C1GALT1C1L: variants seen among roughly 807,000 people sequenced by gnomAD.
C1GALT1C1L encodes the protein C1GALT1-specific chaperone 1-like protein.
A neutral mutation model predicts 0.5 loss-of-function variants in C1GALT1C1L; 1 was observed. The ratio of observed to expected loss-of-function variants is 2.11; its 90% confidence interval spans 0.75 to 10.02. The LOEUF (loss-of-function observed/expected upper bound fraction) is 10.02, where lower values mean the gene tolerates loss of function less well. Ranked by LOEUF, C1GALT1C1L falls within the 30% of genes most tolerant of loss-of-function variation. The probability of loss-of-function intolerance (pLI) is 0.13; values close to 1 mark genes in which losing one functional copy is unlikely to be tolerated. For synonymous variants in C1GALT1C1L, 148 were observed against 132.6 expected, an observed-to-expected ratio of 1.12 and a Z score of -0.80; for missense variants, 444 against 375.5, an observed-to-expected ratio of 1.18 and a Z score of -1.51.
chr2:43,675,501 A>G lies in C1GALT1C1L; in HGVS notation c.822T>C (p.Thr274=). 1 of 1,614,040 alleles carries G rather than the reference A, an allele frequency of 6.2e-7. No individual in the cohort carries two copies. Among genetic ancestry groups the G allele is most frequent in the Non-Finnish European group, 8.5e-7 (1 of 1,179,904 alleles). The change falls in exon 1 of 1, where the codon ACT becomes ACC. Residue 274 remains threonine, a synonymous_variant. Coordinates refer to ENST00000475092, the MANE Select transcript of C1GALT1C1L (RefSeq NM_001101330.3). ...VEGCCSDMAI[T]FNGLTPQKME... ...TCTTTTGGGGGGTCAGTCCATTGAA[A>G]GTAATAGCCATATCTGAACAGCAGC...
chr2:43,676,232 T>C lies in C1GALT1C1L; in HGVS notation c.91A>G (p.Ile31Val). 1 of 1,613,970 alleles carries C rather than the reference T, an allele frequency of 6.2e-7. No individual in the cohort carries two copies. Among genetic ancestry groups the C allele is most frequent in the South Asian group, 1.1e-5 (1 of 91,070 alleles). ...VLITMFGQIH[I>V]RHRGQTQDHE... ...TCTTGAGTTTGACCTCTGTGTCGAATGTGAATTTGGCCAAACATAGTTATC... is the reference window on the plus strand; with the variant it reads ...TCTTGAGTTTGACCTCTGTGTCGAACGTGAATTTGGCCAAACATAGTTATC... The change falls in exon 1 of 1, where the codon ATT (isoleucine) becomes GTT (valine). Residue 31 changes from isoleucine to valine, a missense_variant. Coordinates refer to ENST00000475092, the MANE Select transcript of C1GALT1C1L (RefSeq NM_001101330.3).
chr2:43,675,812 C>A lies in C1GALT1C1L; in HGVS notation c.511G>T (p.Val171Phe). The change falls in exon 1 of 1, where the codon GTT (valine) becomes TTT (phenylalanine). Residue 171 changes from valine (V) to phenylalanine (F), a missense_variant. By Grantham distance (50) the Val-to-Phe change is conservative. Coordinates refer to ENST00000475092, the MANE Select transcript of C1GALT1C1L (RefSeq NM_001101330.3). Reference protein sequence around the residue: ...ASQPFYLGHTVIFGDLEYVTV... With the variant: ...ASQPFYLGHTFIFGDLEYVTV... ...ACGTATTCGAGGTCTCCAAATATAA[C>A]AGTGTGGCCCAGATAGAAGGGCTGG... 1.2e-6 allele frequency: 2 copies of A among 1,613,850 alleles called. No individual in the cohort carries two copies. Among genetic ancestry groups the A allele is most frequent in the East Asian group, 2.2e-5 (1 of 44,868 alleles).
In C1GALT1C1L at chr2:43,676,067, C is replaced by T. The variant is rs749128639; in HGVS notation, c.256G>A (p.Val86Ile). The change falls in exon 1 of 1, where the codon GTA becomes ATA. Residue 86 changes from valine to isoleucine, a missense_variant. Coordinates refer to ENST00000475092, the MANE Select transcript of C1GALT1C1L (RefSeq NM_001101330.3). ...GESEDESYWA[V>I]LKETWTKHCD... ...TGTTTGGTCCAGGTCTCTTTCAGTA[C>T]AGCCCAGTAACTCTCATCTTCGGAT... The T allele has an allele frequency of 1.2e-6, 2 of 1,613,898 alleles. No homozygotes were observed. The highest frequency in any genetic ancestry group is 2.2e-5 in the East Asian group (1 of 44,894).
In C1GALT1C1L at chr2:43,675,754, T is replaced by C; in HGVS notation, c.569A>G (p.Glu190Gly). Residue 190 changes from glutamate (E) to glycine (G), a missense_variant, in exon 1 of 1, where the codon GAG becomes GGG. Physicochemically the swap from Glu to Gly is moderately conservative, Grantham distance 98. Transcript: ENST00000475092. Reference protein sequence around the residue: ...TVEGGIVLSRELMKRLNRLLD... With the variant: ...TVEGGIVLSRGLMKRLNRLLD... ...AAGTCTGTTAAGTCTTTTCATCAACTCTCTGCTTAAGACAATCCCTCCTTC... is the reference window on the plus strand; with the variant it reads ...AAGTCTGTTAAGTCTTTTCATCAACCCTCTGCTTAAGACAATCCCTCCTTC... The C allele has an allele frequency of 1.2e-6, 2 of 1,613,784 alleles. No homozygotes were observed. Among genetic ancestry groups the C allele is most frequent in the Non-Finnish European group, 1.7e-6 (2 of 1,179,822 alleles).
In C1GALT1C1L at chr2:43,676,276, C is replaced by G; in HGVS notation, c.47G>C (p.Gly16Ala). 3.7e-6 allele frequency: 6 copies of G among 1,613,400 alleles called. No homozygotes were observed. Among genetic ancestry groups the G allele is most frequent in the Non-Finnish European group, 5.1e-6 (6 of 1,179,692 alleles). Residue 16 changes from glycine (G) to alanine (A), a missense_variant, in exon 1 of 1, where the codon GGG (glycine) becomes GCG (alanine). Transcript: ENST00000475092. The stretch of plus-strand genomic sequence containing the variant: ...AGTTATCAAAACCCAGGAAATGCTC[C>G]CAAGCAACATACCCTTAAAAAATGA... ...GTSFFKGMLL[G>A]SISWVLITMF...
In C1GALT1C1L at chr2:43,675,333, T is replaced by G; in HGVS notation, c.*42A>C. On this transcript the variant is annotated 3_prime_UTR_variant, in exon 1 of 1. Coordinates refer to ENST00000475092, the MANE Select transcript of C1GALT1C1L (RefSeq NM_001101330.3). ...TATCAGAATTTGGACTAGCCACATTTCAAGTGCTCTTGGACAGCACAGGTC... is the reference window on the plus strand; with the variant it reads ...TATCAGAATTTGGACTAGCCACATTGCAAGTGCTCTTGGACAGCACAGGTC... 1 of 1,397,224 alleles carries G rather than the reference T, an allele frequency of 7.2e-7. No individual in the cohort carries two copies. Among genetic ancestry groups the G allele is most frequent in the Non-Finnish European group, 9.6e-7 (1 of 1,042,656 alleles). 86.6% of individuals were successfully genotyped at this position (1,397,224 alleles called of 1,614,324 possible). A position where few individuals can be genotyped will look rare whatever the true frequency, so the allele number is the denominator to read the frequency against.
In C1GALT1C1L at chr2:43,675,711, G is replaced by A; in HGVS notation, c.612C>T (p.Thr204=). 1 of 1,613,918 alleles carries A rather than the reference G, an allele frequency of 6.2e-7. No individual in the cohort carries two copies. Among genetic ancestry groups the A allele is most frequent in the Non-Finnish European group, 8.5e-7 (1 of 1,179,886 alleles). Residue 204 remains threonine (T), a synonymous_variant, in exon 1 of 1, where the codon ACC becomes ACT. Transcript: ENST00000475092. The stretch of plus-strand genomic sequence containing the variant: ...TCCAAATCACACTTTGATCTGCACA[G>A]GTCTCAGAGTTATCGAGAAGTCTGT... ...RLNRLLDNSE[T]CADQSVIWKL...
chr2:43,676,425 A>C lies in C1GALT1C1L; in HGVS notation c.-103T>G. ...TGGCGGCTGCGCTCCCGGTTGGGCCACTCTAGCTGCGGGAGGTCGCTTCTC... is the reference window on the plus strand; with the variant it reads ...TGGCGGCTGCGCTCCCGGTTGGGCCCCTCTAGCTGCGGGAGGTCGCTTCTC... On this transcript the variant is annotated 5_prime_UTR_variant, in exon 1 of 1. Transcript: ENST00000475092. 1.2e-6 allele frequency: 1 copy of C among 830,190 alleles called. No homozygotes were observed. Among genetic ancestry groups the C allele is most frequent in the Admixed American group, 3.2e-5 (1 of 30,850 alleles). 51.4% of individuals were successfully genotyped at this position (830,190 alleles called of 1,614,324 possible).
At position 43,676,277 on chromosome 2, in the gene C1GALT1C1L, C is replaced by G; in HGVS notation, c.46G>C (p.Gly16Arg). ...GTTATCAAAACCCAGGAAATGCTCCCAAGCAACATACCCTTAAAAAATGAT... is the reference window on the plus strand; with the variant it reads ...GTTATCAAAACCCAGGAAATGCTCCGAAGCAACATACCCTTAAAAAATGAT... ...GTSFFKGMLL[G>R]SISWVLITMF... The change falls in exon 1 of 1, where the codon GGG (glycine) becomes CGG (arginine). Residue 16 changes from glycine (G) to arginine (R), a missense_variant. Gly to Arg is a moderately radical substitution (Grantham distance 125). Coordinates refer to ENST00000475092, the MANE Select transcript of C1GALT1C1L (RefSeq NM_001101330.3). 6.2e-7 allele frequency: 1 copy of G among 1,613,428 alleles called. No homozygotes were observed. Among genetic ancestry groups the G allele is most frequent in the Non-Finnish European group, 8.5e-7 (1 of 1,179,692 alleles).
At position 43,675,258 on chromosome 2, in the gene C1GALT1C1L, C is replaced by G; in HGVS notation, c.*117G>C. ...ATGTTTTACATCTTCATACTGTTTT[C>G]TAATAATATATGAATTATTGAATGA... On this transcript the variant is annotated 3_prime_UTR_variant, in exon 1 of 1. Coordinates refer to ENST00000475092, the MANE Select transcript of C1GALT1C1L (RefSeq NM_001101330.3). 5.1e-6 allele frequency: 3 copies of G among 589,044 alleles called. No individual in the cohort carries two copies. Among genetic ancestry groups the G allele is most frequent in the Non-Finnish European group, 8.3e-6 (3 of 360,478 alleles). 36.5% of individuals were successfully genotyped at this position (589,044 alleles called of 1,614,324 possible). A position where few individuals can be genotyped will look rare whatever the true frequency, so the allele number is the denominator to read the frequency against.
rs750152411 is a variant in C1GALT1C1L at position 43,676,057 on chromosome 2, T to A, written c.266A>T (p.Glu89Val). The A allele has an allele frequency of 6.2e-7, 1 of 1,613,982 alleles. No individual in the cohort carries two copies. The highest frequency in any genetic ancestry group is 1.3e-5 in the African/African-American group (1 of 75,050). Residue 89 changes from glutamate (E) to valine (V), a missense_variant, in exon 1 of 1, where the codon GAG (glutamate) becomes GTG (valine). Coordinates refer to ENST00000475092, the MANE Select transcript of C1GALT1C1L (RefSeq NM_001101330.3). Reference protein sequence around the residue: ...EDESYWAVLKETWTKHCDKAE... With the variant: ...EDESYWAVLKVTWTKHCDKAE... The stretch of plus-strand genomic sequence containing the variant: ...TTTGTCACAGTGTTTGGTCCAGGTC[T>A]CTTTCAGTACAGCCCAGTAACTCTC...
Position 43,675,536 on chromosome 2 carries a change from C to A in C1GALT1C1L, c.787G>T (p.Val263Leu). Reference protein sequence around the residue: ...EEALSNNPQQVVEGCCSDMAI... With the variant: ...EEALSNNPQQLVEGCCSDMAI... ...ATATCTGAACAGCAGCCTTCTACTA[C>A]TTGCTGAGGGTTATTAGACAATGCC... Residue 263 changes from valine to leucine, a missense_variant, in exon 1 of 1, where the codon GTA becomes TTA. Transcript: ENST00000475092. 1 of 1,613,966 alleles carries A rather than the reference C, an allele frequency of 6.2e-7. No individual in the cohort carries two copies. Among genetic ancestry groups the A allele is most frequent in the Non-Finnish European group, 8.5e-7 (1 of 1,179,854 alleles).
In C1GALT1C1L at chr2:43,675,839, A is replaced by G. The variant is rs1175271554; in HGVS notation, c.484T>C (p.Ser162Pro). 3 of 1,614,028 alleles carry G rather than the reference A, an allele frequency of 1.9e-6. No individual in the cohort carries two copies. The highest frequency in any genetic ancestry group is 4.5e-5 in the East Asian group (2 of 44,864). The change falls in exon 1 of 1, where the codon TCC becomes CCC. Residue 162 changes from serine to proline, a missense_variant. Ser to Pro is a moderately conservative substitution (Grantham distance 74). Transcript: ENST00000475092. ...GTGTGGCCCAGATAGAAGGGCTGGGATGCATCCCTTGTAAACAAAAGGTAC... is the reference window on the plus strand; with the variant it reads ...GTGTGGCCCAGATAGAAGGGCTGGGGTGCATCCCTTGTAAACAAAAGGTAC... ...LKYLLFTRDASQPFYLGHTVI... is the reference protein window; with the variant it reads ...LKYLLFTRDAPQPFYLGHTVI...
Position 43,676,419 on chromosome 2 carries a change from TG to T in C1GALT1C1L, c.-98del. 1.1e-6 allele frequency: 1 copy of T among 943,870 alleles called. No homozygotes were observed. The allele number at this position is 943,870 out of a possible 1,614,324, so 58.5% of individuals were successfully genotyped here. A position where few individuals can be genotyped will look rare whatever the true frequency, so the allele number is the denominator to read the frequency against. On this transcript the variant is annotated 5_prime_UTR_variant, in exon 1 of 1. Transcript: ENST00000475092. ...CGGAGCTGGCGGCTGCGCTCCCGGT[TG>T]GGCCACTCTAGCTGCGGGAGGTCGC...
In C1GALT1C1L at chr2:43,675,816, G is replaced by A. The variant is rs763588472; in HGVS notation, c.507C>T (p.His169=). The change falls in exon 1 of 1, where the codon CAC becomes CAT. Residue 169 remains histidine (H), a synonymous_variant. Coordinates refer to ENST00000475092, the MANE Select transcript of C1GALT1C1L (RefSeq NM_001101330.3). The part of the protein sequence containing the change: ...RDASQPFYLG[H]TVIFGDLEYV... The stretch of plus-strand genomic sequence containing the variant: ...ATTCGAGGTCTCCAAATATAACAGT[G>A]TGGCCCAGATAGAAGGGCTGGGATG... 4.5e-5 allele frequency: 73 copies of A among 1,613,824 alleles called. No homozygotes were observed. Among genetic ancestry groups the A allele is most frequent in the Admixed American group, 1.0e-4 (6 of 59,994 alleles).
rs545722191 is a variant in C1GALT1C1L, at chr2:43,676,141, A to G, written c.182T>C (p.Leu61Pro). ...ACGAATACTTTTACTGAGCTCCAAG[A>G]GTATCACTTTTGAAGTGTTTAAGAA... ...NDFLNTSKVI[L>P]LELSKSIRVF... is the part of the protein sequence containing the mutation. Residue 61 changes from leucine to proline, a missense_variant, in exon 1 of 1, where the codon CTC (leucine) becomes CCC (proline). Coordinates refer to ENST00000475092, the MANE Select transcript of C1GALT1C1L (RefSeq NM_001101330.3). The G allele has an allele frequency of 1.2e-6, 2 of 1,614,046 alleles. No individual in the cohort carries two copies. Among genetic ancestry groups the G allele is most frequent in the East Asian group, 2.2e-5 (1 of 44,892 alleles).
At position 43,676,276 on chromosome 2, in the gene C1GALT1C1L, C is replaced by A. The variant is rs1347535446; in HGVS notation, c.47G>T (p.Gly16Val). Residue 16 changes from glycine (G) to valine (V), a missense_variant, in exon 1 of 1, where the codon GGG (glycine) becomes GTG (valine). Coordinates refer to ENST00000475092, the MANE Select transcript of C1GALT1C1L (RefSeq NM_001101330.3). ...AGTTATCAAAACCCAGGAAATGCTCCCAAGCAACATACCCTTAAAAAATGA... is the reference window on the plus strand; with the variant it reads ...AGTTATCAAAACCCAGGAAATGCTCACAAGCAACATACCCTTAAAAAATGA... ...GTSFFKGMLL[G>V]SISWVLITMF... 6.2e-7 allele frequency: 1 copy of A among 1,613,282 alleles called. No homozygotes were observed. The highest frequency in any genetic ancestry group is 1.3e-5 in the African/African-American group (1 of 74,908).
chr2:43,675,895 G>A lies in C1GALT1C1L; in HGVS notation c.428C>T (p.Pro143Leu), dbSNP rs80263019. 17,773 of 1,614,080 alleles carry A rather than the reference G, an allele frequency of 0.011. 177 individuals carry two copies. Among genetic ancestry groups the A allele is most frequent in the South Asian group, 0.028 (2,539 of 91,072 alleles). The change falls in exon 1 of 1, where the codon CCC becomes CTC. Residue 143 changes from proline to leucine, a missense_variant. Physicochemically the swap from Pro to Leu is moderately conservative, Grantham distance 98. Coordinates refer to ENST00000475092, the MANE Select transcript of C1GALT1C1L (RefSeq NM_001101330.3). ...DNYNWFFLALPTTFAVIENLK... is the reference protein window; with the variant it reads ...DNYNWFFLALLTTFAVIENLK... ...ATTTTCAATGACAGCAAACGTAGTG[G>A]GAAGTGCAAGGAAGAACCAGTTGTA... is the stretch of plus-strand genomic sequence containing the variant.
chr2:43,675,624 A>T lies in C1GALT1C1L; in HGVS notation c.699T>A (p.Asn233Lys). The change falls in exon 1 of 1, where the codon AAT becomes AAA. Residue 233 changes from asparagine to lysine, a missense_variant. Asn to Lys is a moderately conservative substitution (Grantham distance 94). Transcript: ENST00000475092. ...CLKYAGVHAE[N>K]AEDYEGRDVF... ...CATCTCTTCCTTCATAATCCTCTGC[A>T]TTTTCTGCATGAACTCCTGCATATT... The T allele has an allele frequency of 6.2e-7, 1 of 1,613,728 alleles. No homozygotes were observed. The highest frequency in any genetic ancestry group is 1.1e-5 in the South Asian group (1 of 91,002).
Sources: allele counts gnomAD v4.1 joint callset, GRCh38; gene constraint gnomAD v4.1.1; transcripts MANE v1.5; gene names NCBI Gene and HGNC (gene_info 2026-07-23, HGNC 2026-07-21).